Variants in FRMPD4 observed in about 807,000 individuals in gnomAD.
The protein encoded by FRMPD4 is FERM and PDZ domain containing 4.
A neutral mutation model predicts 94.1 loss-of-function variants in FRMPD4; 22 were observed. That is an observed-to-expected ratio of 0.23 (90% CI 0.17 to 0.33). The LOEUF (loss-of-function observed/expected upper bound fraction) is 0.33, where lower values mean the gene tolerates loss of function less well. Among genes scored for constraint, FRMPD4 ranks in the 10% least tolerant of loss-of-function variants. FRMPD4 has a pLI of 1.00. For missense variants in FRMPD4, 1,111 were observed against 1,339.9 expected, an observed-to-expected ratio of 0.83 and a Z score of 2.67; for synonymous variants, 631 against 548.6, an observed-to-expected ratio of 1.15 and a Z score of -2.10.
intron 1 of FRMPD4, among the ~76,000 whole-genome samples, chrX:12,155,127 C>T (rs748266015): frequency 8.9e-6 from 1 of 112,018 alleles, no homozygotes; most frequent in Admixed American, 9.5e-5. Context: ...GGCCCAAACA[C>T]TCAGAATCAG....
chrX:12,076,293 G>A (rs750004259), intron 3 of FRMPD4, among the ~76,000 whole-genome samples: 1 of 109,894 alleles, frequency 9.1e-6, no homozygotes, highest in South Asian at 4.0e-4. Flanking sequence ...TAATGCTGGT[G>A]AAAGCATCAA....
At chrX:12,305,486 T>A (rs2054920774) in intron 1 of FRMPD4, among the ~76,000 whole-genome samples, 1 of 110,840 alleles carries the variant, frequency 9.0e-6, no homozygotes, top group Non-Finnish European at 1.9e-5. Context: ...GATGTGGAAA[T>A]CTTCATAAAT....
intron 3 of FRMPD4, among the ~76,000 whole-genome samples, chrX:11,916,455 A>C (rs2054025510): frequency 9.0e-6 from 1 of 111,144 alleles, no homozygotes. Flanking sequence ...GGGGATAATG[A>C]AATCTTGAAC....
chrX:11,871,280 A>T (rs2053755041), intron 2 of FRMPD4, among the ~76,000 whole-genome samples: 1 of 111,768 alleles, frequency 8.9e-6, no homozygotes, highest in African/African-American at 3.3e-5. Flanking sequence ...CACCTCCCAA[A>T]ATACCACTTG....
chrX:12,080,421 C>T (rs1413768755), intron 3 of FRMPD4, among the ~76,000 whole-genome samples: 1 of 112,098 alleles, frequency 8.9e-6, no homozygotes, highest in Non-Finnish European at 1.9e-5. Context: ...GGTATCACCA[C>T]ATATGTCCAC....
At position 12,723,874 on chromosome X, in the gene FRMPD4, A is replaced by G. The variant is rs951476257; in HGVS notation, c.*2016A>G. On this transcript the variant is annotated 3_prime_UTR_variant, in exon 17 of 17. Transcript: ENST00000675598. Reference sequence around the variant, plus strand: ...TGGGAAAGCTACTTTTTCTAGTCTCAATTTCCTCATAATAAAATGAAAATC... The same window carrying G: ...TGGGAAAGCTACTTTTTCTAGTCTCGATTTCCTCATAATAAAATGAAAATC... 9.0e-6 allele frequency: 1 copy of G among 111,414 alleles called. No individual in the cohort carries two copies. Among genetic ancestry groups the G allele is most frequent in the Admixed American group, 9.6e-5 (1 of 10,421 alleles). 9.2% of individuals were successfully genotyped at this position (111,414 alleles called of 1,213,427 possible). A position where few individuals can be genotyped will look rare whatever the true frequency, so the allele number is the denominator to read the frequency against.
intron 3 of FRMPD4, among the ~76,000 whole-genome samples, chrX:11,980,413 T>G (rs182998835): frequency 9.0e-6 from 1 of 111,665 alleles, no homozygotes; most frequent in East Asian, 2.8e-4. Flanking sequence ...TTTATAGCTT[T>G]GATCCATTTT....
rs2054055957 is a variant in FRMPD4 at position 12,252,516 on chromosome X, A to C, written c.41+113504A>C. ...TTTTTGCTTCATTTCGAATGATTCC[A>C]ATTGCTGGTATTGATTCTTCTACCT... is the stretch of plus-strand genomic sequence containing the variant. On this transcript the variant is annotated intron_variant, in intron 1 of 16. Coordinates refer to ENST00000675598, the MANE Select transcript of FRMPD4 (RefSeq NM_001368397.1). Among the ~76,000 whole-genome samples the C allele has an allele frequency of 2.7e-5, 3 of 112,302 alleles. No individual in the cohort carries two copies. The Admixed American group carries it at 2.8e-4, about 11-fold the overall frequency.
chrX:12,657,451 C>A (rs1378499794), intron 4 of FRMPD4, among the ~76,000 whole-genome samples: 1 of 111,955 alleles, frequency 8.9e-6, no homozygotes, highest in African/African-American at 3.3e-5. Flanking sequence ...AGCAAGTGAG[C>A]AAGAGTGTGA....
At chrX:12,006,912 A>T (rs2054556997) in intron 3 of FRMPD4, among the ~76,000 whole-genome samples, 1 of 111,958 alleles carries the variant, frequency 8.9e-6, no homozygotes, top group South Asian at 3.8e-4. Context: ...GAGTGAGGGT[A>T]TATGAGTCCA....
chrX:12,395,465 T>G (rs1388610214), intron 1 of FRMPD4, among the ~76,000 whole-genome samples: 1 of 112,297 alleles, frequency 8.9e-6, no homozygotes, highest in Non-Finnish European at 1.9e-5. Flanking sequence ...AAGGATGAAT[T>G]TGATAATTTT....
At chrX:12,392,098 A>G (rs1168649250) in intron 1 of FRMPD4, among the ~76,000 whole-genome samples, 1 of 109,296 alleles carries the variant, frequency 9.1e-6, no homozygotes, top group Non-Finnish European at 1.9e-5. Context: ...CAGTGGTGCA[A>G]TCTTGGCTCA....
In FRMPD4 at chrX:11,999,889, C is replaced by G. The variant is rs769242767; in HGVS notation, c.95+121871C>G. Among the ~76,000 whole-genome samples, 25 of 111,700 alleles carry G rather than the reference C, an allele frequency of 2.2e-4. 1 individual carries two copies. The South Asian group carries it at 9.5e-3, about 42-fold the overall frequency. The stretch of plus-strand genomic sequence containing the variant: ...GATGGCTCTGTCTGTCTTTGGGAGC[C>G]CATCAGCGATATTCAAAACGTAGTA... On this transcript the variant is annotated intron_variant, in intron 3 of 18. Coordinates refer to the FRMPD4 transcript ENST00000640291.
chrX:12,551,870 A>C (rs1179966912), intron 2 of FRMPD4, among the ~76,000 whole-genome samples: 1 of 111,490 alleles, frequency 9.0e-6, no homozygotes, highest in Non-Finnish European at 1.9e-5. Context: ...AGGTGATGGG[A>C]AATAGTGATA....
intron 1 of FRMPD4, among the ~76,000 whole-genome samples, chrX:12,175,324 T>G (rs965286464): frequency 9.0e-6 from 1 of 111,622 alleles, no homozygotes; most frequent in Non-Finnish European, 1.9e-5. Flanking sequence ...TGAACAGTGA[T>G]CTCTCTGGAC....
At chrX:12,249,790 A>C (rs1001232074) in intron 1 of FRMPD4, among the ~76,000 whole-genome samples, 3 of 111,180 alleles carry the variant, frequency 2.7e-5, no homozygotes, top group African/African-American at 9.8e-5. Context: ...TCAGACAGGA[A>C]AAATGTTAAT....
chrX:11,942,228 C>CA (rs2147357558), intron 3 of FRMPD4, among the ~76,000 whole-genome samples: 2 of 79,135 alleles, frequency 2.5e-5, no homozygotes, highest in African/African-American at 8.9e-5. Context: ...TTTTTCTTTC[C>CA]TTTTTTTTTT....
Position 11,890,918 on chromosome X carries a change from GATGCTGGCACAGGC to G in FRMPD4, c.95+12904_95+12917del, listed in dbSNP as rs755040667. Among the ~76,000 whole-genome samples the G allele has an allele frequency of 9.8e-5, 11 of 112,560 alleles. No individual in the cohort carries two copies. The East Asian group carries it at 3.1e-3, about 32-fold the overall frequency. On this transcript the variant is annotated intron_variant, in intron 3 of 18. Transcript: ENST00000640291. ...CCACTCCCAGTTAGCCTGAAGTGAA[GATGCTGGCACAGGC>G]ATGTGACAGATGGTGCAGGCCTGCT...
At chrX:12,338,359 C>T (rs1234271024) in intron 1 of FRMPD4, among the ~76,000 whole-genome samples, 1 of 111,772 alleles carries the variant, frequency 8.9e-6, no homozygotes, top group Non-Finnish European at 1.9e-5. Context: ...TCTGCATTTC[C>T]CCACTATGAT....
Sources: gnomAD v4.1 joint callset for allele counts (sites outside exome capture counted in the v4.1 genomes callset) on GRCh38, gnomAD v4.1.1 for gene constraint, MANE v1.5 for transcripts, NCBI Gene and HGNC (gene_info 2026-07-23, HGNC 2026-07-21) for gene names.